FBRSL1: variants seen among roughly 807,000 people sequenced by gnomAD.
FBRSL1 encodes fibrosin like 1.
A neutral mutation model predicts 89.6 loss-of-function variants in FBRSL1; 51 were observed. The observed-to-expected ratio is 0.57, with a 90% CI of 0.45 to 0.72. The LOEUF is 0.72. Ranked by LOEUF, FBRSL1 falls within the 30% of genes least tolerant of loss-of-function variation. The pLI is 0.00. For missense variants in FBRSL1, 1,618 were observed against 1,451.8 expected (o/e 1.11, Z -1.86); for synonymous variants, 779 against 681.1 (o/e 1.14, Z -2.24).
At chr12:132,575,236 C>CT (rs747328478) in intron 14 of FBRSL1, among the ~76,000 whole-genome samples, 17 of 150,520 alleles carry the variant, frequency 1.1e-4, no homozygotes, top group Non-Finnish European at 1.8e-4. Flanking sequence ...GTATGTCTTT[C>CT]TTTTTTTTTG....
chr12:132,508,356 C>T lies in FBRSL1; in HGVS notation c.489+6C>T. The T allele has an allele frequency of 1.3e-6, 2 of 1,499,090 alleles. No individual in the cohort carries two copies. The highest frequency in any genetic ancestry group is 1.8e-6 in the Non-Finnish European group (2 of 1,123,408). 92.9% of individuals were successfully genotyped at this position (1,499,090 alleles called of 1,614,324 possible). ...CACTGCAGCCCTCCAAGCAGGTGAG[C>T]AGGTCCCTCCCCGACCGGAAGCTCT... On this transcript the variant is annotated splice_donor_region_variant and intron_variant, in intron 2 of 18. Coordinates refer to ENST00000680143, the MANE Select transcript of FBRSL1 (RefSeq NM_001367871.1).
intron 4 of FBRSL1, among the ~76,000 whole-genome samples, chr12:132,544,555 T>G (rs2037523655): frequency 6.6e-6 from 1 of 152,012 alleles, no homozygotes; most frequent in Admixed American, 6.6e-5. Context: ...GTGATGATGG[T>G]GGTGAGGATG....
intron 5 of FBRSL1, chr12:132,566,405 TCA>T (rs769603118): frequency 1.2e-5 from 1 of 82,530 alleles, no homozygotes. Context: ...AGCTGTTTAA[TCA>T]AAAAAAAAAA....
chr12:132,497,000 G>T (rs996353532), intron 1 of FBRSL1, among the ~76,000 whole-genome samples: 1 of 152,280 alleles, frequency 6.6e-6, no homozygotes, highest in Admixed American at 6.5e-5. Context: ...TGGCCCTGGC[G>T]GGCCGTGTTG....
intron 17 of FBRSL1, 44 bp downstream of exon 17, chr12:132,581,868 C>T: frequency 6.8e-7 from 1 of 1,481,280 alleles, no homozygotes; most frequent in African/African-American, 1.4e-5. Context: ...TGCCCGCGCC[C>T]CTCCCCCATG....
intron 2 of FBRSL1, 54 bp from the exon 3 acceptor site, chr12:132,525,680 T>C: frequency 2.1e-6 from 3 of 1,457,600 alleles, no homozygotes; most frequent in South Asian, 2.4e-5. Context: ...GGGGCCCCGA[T>C]GCGGACGCGG....
At chr12:132,570,288 G>T (rs545926692) in intron 7 of FBRSL1, 47 bp downstream of exon 7, 3 of 1,512,670 alleles carry the variant, frequency 2.0e-6, no homozygotes, top group Admixed American at 2.0e-5. Flanking sequence ...CAGGATGGGG[G>T]CTCTGCAGGG....
chr12:132,575,581 G>A (rs2040332969), intron 14 of FBRSL1, among the ~76,000 whole-genome samples: 1 of 152,268 alleles, frequency 6.6e-6, no homozygotes, highest in South Asian at 2.1e-4. Context: ...TGGACACACA[G>A]CAGAGGGATC....
At chr12:132,580,335 G>GCCT (rs1456808783) in intron 15 of FBRSL1, among the ~76,000 whole-genome samples, 1 of 152,170 alleles carries the variant, frequency 6.6e-6, no homozygotes, top group Non-Finnish European at 1.5e-5. Context: ...TGATCCTCCT[G>GCCT]CCTCGGCCTC....
intron 14 of FBRSL1, among the ~76,000 whole-genome samples, chr12:132,576,173 A>G (rs1294133270): frequency 7.0e-6 from 1 of 143,682 alleles, no homozygotes; most frequent in Non-Finnish European, 1.5e-5. Context: ...CAACTTGGGC[A>G]CGTGAGCATG....
rs2040942656 is a variant in FBRSL1, at chr12:132,583,548, G to A, written c.2779G>A (p.Ala927Thr). Residue 927 changes from alanine to threonine, a missense_variant, in exon 19 of 19, where the codon GCC becomes ACC. Physicochemically the swap from Ala to Thr is moderately conservative, Grantham distance 58. Coordinates refer to ENST00000680143, the MANE Select transcript of FBRSL1 (RefSeq NM_001367871.1). The part of the protein sequence containing the change: ...LDGALLPSLG[A>T]LHFPRLSPAA... ...CGGCGCGCTGCTGCCCTCGCTGGGA[G>A]CCCTGCACTTCCCGCGCCTCTCGCC... The A allele has an allele frequency of 3.8e-6, 4 of 1,043,322 alleles. No homozygotes were observed. The East Asian group carries it at 2.9e-4, about 76-fold the overall frequency. 64.6% of individuals were successfully genotyped at this position (1,043,322 alleles called of 1,614,324 possible). A position where few individuals can be genotyped will look rare whatever the true frequency, so the allele number is the denominator to read the frequency against.
chr12:132,574,818 G>A (rs12309095), intron 14 of FBRSL1, among the ~76,000 whole-genome samples: 1 of 152,148 alleles, frequency 6.6e-6, no homozygotes, highest in Non-Finnish European at 1.5e-5. Context: ...GGGCCACGGG[G>A]AGCAGAGCAG....
At chr12:132,531,473 C>G (rs144160208) in intron 4 of FBRSL1, among the ~76,000 whole-genome samples, 127 of 152,156 alleles carry the variant, frequency 8.3e-4, no homozygotes, top group African/African-American at 3.0e-3. Context: ...GTGGTACCCC[C>G]GTGTGGTGGG....
intron 5 of FBRSL1, among the ~76,000 whole-genome samples, chr12:132,559,691 G>A (rs1374161070): frequency 6.6e-6 from 1 of 152,180 alleles, no homozygotes; most frequent in Non-Finnish European, 1.5e-5. Context: ...CGGCCACCGC[G>A]CCCGGCTGTC....
At chr12:132,575,286 G>A (rs1447435517) in intron 14 of FBRSL1, among the ~76,000 whole-genome samples, 1 of 152,202 alleles carries the variant, frequency 6.6e-6, no homozygotes, top group African/African-American at 2.4e-5. Context: ...GGAGTGCAGT[G>A]GCGCGATCTC....
chr12:132,550,108 A>G (rs1363900362), intron 5 of FBRSL1, among the ~76,000 whole-genome samples: 1 of 150,532 alleles, frequency 6.6e-6, no homozygotes, highest in Non-Finnish European at 1.5e-5. Context: ...CTGCACACAG[A>G]GGGTCCCGGC....
intron 4 of FBRSL1, among the ~76,000 whole-genome samples, chr12:132,531,857 G>A (rs2036317292): frequency 6.6e-6 from 1 of 152,230 alleles, no homozygotes; most frequent in Admixed American, 6.5e-5. Flanking sequence ...CCTTAGAGTG[G>A]TGTAATTTTG....
rs192213372 is a variant in FBRSL1, at chr12:132,581,229, C to T, written c.1835-210C>T. On this transcript the variant is annotated intron_variant, in intron 15 of 18. Coordinates refer to ENST00000680143, the MANE Select transcript of FBRSL1 (RefSeq NM_001367871.1). ...CCCCCTTGGGGTCCCAGGATGGCTGCCACTGCGGCTCCAAGTCAAACCTCC... is the reference window on the plus strand; with the variant it reads ...CCCCCTTGGGGTCCCAGGATGGCTGTCACTGCGGCTCCAAGTCAAACCTCC... 5.8e-4 allele frequency: 573 copies of T among 984,394 alleles called. 2 individuals are homozygous for T. In the South Asian group the frequency reaches 8.6e-3, roughly 15 times the overall value. 61.0% of individuals were successfully genotyped at this position (984,394 alleles called of 1,614,324 possible). A position where few individuals can be genotyped will look rare whatever the true frequency, so the allele number is the denominator to read the frequency against.
intron 11 of FBRSL1, 44 bp downstream of exon 11, chr12:132,572,666 G>A: frequency 7.3e-7 from 1 of 1,363,896 alleles, no homozygotes; most frequent in Non-Finnish European, 1.0e-6. Flanking sequence ...GCGGGTGGGT[G>A]GATTTTGGGG....
Sources: gnomAD v4.1 joint callset for allele counts (sites outside exome capture counted in the v4.1 genomes callset) on GRCh38, gnomAD v4.1.1 for gene constraint, MANE v1.5 for transcripts, NCBI Gene and HGNC (gene_info 2026-07-23, HGNC 2026-07-21) for gene names.